The following COMMD1 variants were observed in gnomAD, a reference collection of about 807,000 sequenced individuals.
COMMD1 encodes the protein COMM domain-containing protein 1.
Under a neutral mutation model 17.2 loss-of-function variants are expected in COMMD1, and 10 were observed. The observed-to-expected ratio is 0.58, with a 90% CI of 0.36 to 0.99. COMMD1 has a LOEUF of 0.99. Among genes scored for constraint, COMMD1 ranks in the 50% least tolerant of loss-of-function variants. The pLI is 0.01. For synonymous variants in COMMD1, 97 were observed against 91.6 expected (o/e 1.06, Z -0.34); for missense variants, 270 against 231.8 (o/e 1.17, Z -1.07).
intron 1 of COMMD1, among the ~76,000 whole-genome samples, chr2:61,932,828 G>A (rs1670503793): frequency 6.6e-6 from 1 of 152,174 alleles, no homozygotes; most frequent in South Asian, 2.1e-4. Context: ...GCAGGAGTAG[G>A]TTCTGTGTGG....
intron 1 of COMMD1, among the ~76,000 whole-genome samples, chr2:61,897,424 C>G (rs1173612108): frequency 6.6e-6 from 1 of 152,118 alleles, no homozygotes; most frequent in Non-Finnish European, 1.5e-5. Flanking sequence ...AGAGCTCCAG[C>G]CAAGAACCCT....
At chr2:62,017,245 G>C (rs1669473611) in intron 2 of COMMD1, among the ~76,000 whole-genome samples, 1 of 152,200 alleles carries the variant, frequency 6.6e-6, no homozygotes, top group Admixed American at 6.5e-5. Flanking sequence ...AGCCTGAACT[G>C]AATTATGATA....
chr2:61,928,753 G>A (rs1220008666), intron 1 of COMMD1: 2 of 152,100 alleles, frequency 1.3e-5, no homozygotes, highest in Non-Finnish European at 2.9e-5. Flanking sequence ...AAAGCAGTAA[G>A]GTCTCTCACA....
chr2:62,013,357 T>C (rs1166062238), intron 2 of COMMD1, among the ~76,000 whole-genome samples: 1 of 152,180 alleles, frequency 6.6e-6, no homozygotes, highest in Non-Finnish European at 1.5e-5. Flanking sequence ...ATATTAATAT[T>C]CCACTCCAAA....
At chr2:62,097,322 C>T (rs948129712) in intron 2 of COMMD1, among the ~76,000 whole-genome samples, 8 of 152,078 alleles carry the variant, frequency 5.3e-5, no homozygotes, top group African/African-American at 1.7e-4. Context: ...TTCAGGTCTT[C>T]GGGGCTATTG....
At chr2:62,027,117 G>T (rs991594185) in intron 2 of COMMD1, among the ~76,000 whole-genome samples, 5 of 152,104 alleles carry the variant, frequency 3.3e-5, no homozygotes, top group Non-Finnish European at 7.4e-5. Context: ...AAAATCACTA[G>T]CCTAAAAGTG....
At chr2:61,976,483 T>C (rs1671806133) in intron 1 of COMMD1, among the ~76,000 whole-genome samples, 3 of 152,206 alleles carry the variant, frequency 2.0e-5, no homozygotes, top group Admixed American at 2.0e-4. Flanking sequence ...TTAATGTGTA[T>C]ATTCTTAACA....
upstream of COMMD1, among the ~76,000 whole-genome samples, chr2:61,902,262 CTT>C (rs1197060818): frequency 2.6e-5 from 4 of 151,656 alleles, no homozygotes; most frequent in Non-Finnish European, 5.9e-5. Context: ...AATCCCAGCA[CTT>C]TGGGAGGCCG....
rs573585541 is a variant in COMMD1 at position 61,907,111 on chromosome 2, G to T, written c.180+1253G>T. Among the ~76,000 whole-genome samples, 29 of 152,162 alleles carry T rather than the reference G, an allele frequency of 1.9e-4. No individual in the cohort carries two copies. The East Asian group carries it at 4.6e-3, about 24-fold the overall frequency. ...CTAGTGAATGCTTTCTATTTCTTTT[G>T]TTTTTTCTTTTTTTGAGACGAGTTT... On this transcript the variant is annotated intron_variant, in intron 1 of 2. Coordinates refer to ENST00000311832, the MANE Select transcript of COMMD1 (RefSeq NM_152516.4).
intron 1 of COMMD1, among the ~76,000 whole-genome samples, chr2:61,962,450 T>C (rs1225457189): frequency 6.6e-6 from 1 of 152,182 alleles, no homozygotes; most frequent in Non-Finnish European, 1.5e-5. Context: ...TTTATGCTAA[T>C]GAATGACACA....
chr2:62,063,964 T>C (rs1183630709), intron 2 of COMMD1, among the ~76,000 whole-genome samples: 1 of 145,510 alleles, frequency 6.9e-6, no homozygotes, highest in Non-Finnish European at 1.5e-5. Flanking sequence ...GGACAATCAT[T>C]TGAACCTGGG....
chr2:61,956,344 CA>C (rs1301349332), intron 1 of COMMD1, among the ~76,000 whole-genome samples: 2 of 152,246 alleles, frequency 1.3e-5, no homozygotes, highest in East Asian at 3.9e-4. Context: ...TATAATATCA[CA>C]TATAGTAGAT....
At chr2:61,897,829 T>A (rs1032477517) in intron 1 of COMMD1, among the ~76,000 whole-genome samples, 4 of 152,180 alleles carry the variant, frequency 2.6e-5, no homozygotes, top group African/African-American at 9.7e-5. Flanking sequence ...TTTTTCAGAT[T>A]TATTACCCTA....
intron 2 of COMMD1, among the ~76,000 whole-genome samples, chr2:62,035,462 C>T (rs181768609): frequency 1.3e-5 from 2 of 152,172 alleles, no homozygotes; most frequent in Admixed American, 1.3e-4. Context: ...GTTTTTTGGC[C>T]AGACGTGGTG....
chr2:62,094,173 G>C (rs1001848797), intron 2 of COMMD1, among the ~76,000 whole-genome samples: 1 of 152,152 alleles, frequency 6.6e-6, no homozygotes, highest in Non-Finnish European at 1.5e-5. Context: ...CACCTGGAAG[G>C]GGGAGCCGGG....
intron 1 of COMMD1, among the ~76,000 whole-genome samples, chr2:61,948,188 A>T (rs1327163036): frequency 6.6e-6 from 1 of 152,182 alleles, no homozygotes; most frequent in Non-Finnish European, 1.5e-5. Flanking sequence ...CGCTTACTGC[A>T]GCCTTGACCT....
At chr2:62,059,322 T>G (rs1455427170) in intron 2 of COMMD1, among the ~76,000 whole-genome samples, 2 of 148,172 alleles carry the variant, frequency 1.3e-5, no homozygotes, top group Non-Finnish European at 2.9e-5. Flanking sequence ...ACCTGGCTAA[T>G]TTAAAAAAAA....
intron 1 of COMMD1, among the ~76,000 whole-genome samples, chr2:61,910,623 T>A (rs577003118): frequency 2.2e-4 from 34 of 152,314 alleles, no homozygotes; most frequent in Admixed American, 9.2e-4. Flanking sequence ...TGCGTGATCT[T>A]TATTGCTATT....
At chr2:61,899,451 T>G (rs570712859) in intron 1 of COMMD1, among the ~76,000 whole-genome samples, 1 of 152,322 alleles carries the variant, frequency 6.6e-6, no homozygotes, top group African/African-American at 2.4e-5. Context: ...GGGTCTTCAT[T>G]TACTTATGAG....
Sources: allele counts gnomAD v4.1 joint callset (sites outside exome capture counted in the v4.1 genomes callset), GRCh38; gene constraint gnomAD v4.1.1; transcripts MANE v1.5; gene names NCBI Gene and HGNC (gene_info 2026-07-23, HGNC 2026-07-21).